Variants in DLG2 observed in about 807,000 individuals in gnomAD.
The protein encoded by DLG2 is disks large homolog 2.
In DLG2, 45 loss-of-function variants were observed where a neutral mutation model predicts 132.5. The ratio of observed to expected loss-of-function variants is 0.34; its 90% CI spans 0.27 to 0.44. The LOEUF is 0.44. Ranked by LOEUF, DLG2 falls within the 20% of genes least tolerant of loss-of-function variation. The pLI is 1.00. For missense variants in DLG2, 1,045 were observed against 1,196.9 expected (o/e 0.87, Z 1.87); for synonymous variants, 424 against 419.6 (o/e 1.01, Z -0.13).
intron 8 of DLG2, among the ~76,000 whole-genome samples, chr11:84,228,408 T>A (rs1478579830): frequency 6.6e-6 from 1 of 152,204 alleles, no homozygotes; most frequent in African/African-American, 2.4e-5. Context: ...TGTTAGTTAT[T>A]ATCTATCGGG....
At chr11:85,442,465 A>C (rs2091828993) in intron 3 of DLG2, among the ~76,000 whole-genome samples, 1 of 152,226 alleles carries the variant, frequency 6.6e-6, no homozygotes, top group Admixed American at 6.5e-5. Context: ...GTGGAATCAA[A>C]AATGACTCAT....
chr11:85,171,983 G>A (rs1383493064), intron 4 of DLG2, among the ~76,000 whole-genome samples: 1 of 152,224 alleles, frequency 6.6e-6, no homozygotes, highest in Non-Finnish European at 1.5e-5. Context: ...CCAGGGGGAA[G>A]TGGCCACTGT....
intron 3 of DLG2, among the ~76,000 whole-genome samples, chr11:85,423,423 A>G (rs1248894941): frequency 1.3e-5 from 2 of 152,136 alleles, no homozygotes; most frequent in Non-Finnish European, 2.9e-5. Context: ...CAGGAGGTTG[A>G]GCTTTCCAGA....
chr11:84,198,596 T>A (rs1418396672), intron 8 of DLG2, among the ~76,000 whole-genome samples: 1 of 152,164 alleles, frequency 6.6e-6, no homozygotes, highest in Non-Finnish European at 1.5e-5. Flanking sequence ...GTAAATTGCA[T>A]GTATTCTTAA....
intron 4 of DLG2, among the ~76,000 whole-genome samples, chr11:85,228,690 T>C (rs971066352): frequency 6.6e-6 from 1 of 151,960 alleles, no homozygotes; most frequent in African/African-American, 2.4e-5. Flanking sequence ...TCCTTTTTTA[T>C]ATTTTTATGG....
intron 6 of DLG2, among the ~76,000 whole-genome samples, chr11:85,008,105 A>G (rs1310005670): frequency 6.6e-6 from 1 of 152,194 alleles, no homozygotes; most frequent in Non-Finnish European, 1.5e-5. Context: ...TATTATATAA[A>G]TAGCATTACA....
intron 3 of DLG2, among the ~76,000 whole-genome samples, chr11:85,461,639 G>C (rs1248862987): frequency 6.6e-6 from 1 of 152,164 alleles, no homozygotes; most frequent in East Asian, 1.9e-4. Flanking sequence ...AATACTCCTT[G>C]ATCTTTATCT....
intron 6 of DLG2, among the ~76,000 whole-genome samples, chr11:84,731,029 G>A (rs944058781): frequency 1.3e-5 from 2 of 152,006 alleles, no homozygotes; most frequent in Non-Finnish European, 2.9e-5. Context: ...CTTATGTCCA[G>A]TTTGTTTAAA....
At chr11:83,776,886 T>G (rs534547505) in intron 18 of DLG2, among the ~76,000 whole-genome samples, 1 of 152,362 alleles carries the variant, frequency 6.6e-6, no homozygotes, top group South Asian at 2.1e-4. Context: ...TTGTCTTCGT[T>G]TGGTCTGGTT....
In DLG2 at chr11:85,537,073, G is replaced by A. The variant is rs150893333; in HGVS notation, c.40+61584C>T. On this transcript the variant is annotated intron_variant, in intron 3 of 27. Transcript: ENST00000376104. ...ATCAGTGCTCTGTGTCTAGCTAATT[G>A]GGTGGGGACTTGGAGAACGTTTGCG... Among the ~76,000 whole-genome samples, 46 of 152,246 alleles carry A rather than the reference G, an allele frequency of 3.0e-4. 3 individuals are homozygous for A. In the East Asian group the frequency reaches 8.9e-3, roughly 29 times the overall value.
At chr11:84,667,506 T>TG (rs1409259997) in intron 6 of DLG2, among the ~76,000 whole-genome samples, 3 of 147,760 alleles carry the variant, frequency 2.0e-5, no homozygotes, top group East Asian at 3.9e-4. Context: ...TTGTTTTTTT[T>TG]TTTTTTTTGA....
At chr11:83,789,907 G>T in intron 17 of DLG2, 1 of 829,922 alleles carries the variant, frequency 1.2e-6, no homozygotes, top group Non-Finnish European at 1.7e-6. Context: ...ATGAAAGTTT[G>T]TAAACTGTGT....
intron 2 of DLG2, among the ~76,000 whole-genome samples, chr11:85,615,141 A>G (rs906528367): frequency 6.6e-6 from 1 of 152,250 alleles, no homozygotes; most frequent in Non-Finnish European, 1.5e-5. Context: ...CAGACAAGCC[A>G]TGCTTTCAAA....
chr11:84,982,907 G>A (rs1289630011), intron 6 of DLG2, among the ~76,000 whole-genome samples: 1 of 152,116 alleles, frequency 6.6e-6, no homozygotes, highest in African/African-American at 2.4e-5. Context: ...TTCTTGAAAA[G>A]TAAGAATACA....
chr11:84,742,557 C>A (rs189713049), intron 6 of DLG2, among the ~76,000 whole-genome samples: 40 of 152,298 alleles, frequency 2.6e-4, no homozygotes, highest in Admixed American at 7.2e-4. Flanking sequence ...ATCCTACATA[C>A]CTCTGTCCCC....
chr11:85,545,853 T>A (rs1314500071), intron 3 of DLG2, among the ~76,000 whole-genome samples: 1 of 152,192 alleles, frequency 6.6e-6, no homozygotes, highest in Non-Finnish European at 1.5e-5. Context: ...TACCATTTTT[T>A]TATTGCATCT....
chr11:83,472,107 G>T (rs1010851511), intron 23 of DLG2, among the ~76,000 whole-genome samples: 1 of 152,126 alleles, frequency 6.6e-6, no homozygotes, highest in East Asian at 1.9e-4. Context: ...ACTATAAAAA[G>T]TAATTGTTAG....
At chr11:85,338,093 G>T (rs1237216943) in intron 3 of DLG2, among the ~76,000 whole-genome samples, 1 of 152,176 alleles carries the variant, frequency 6.6e-6, no homozygotes. Flanking sequence ...CTACCTAAAG[G>T]AAAGAAGAGC....
chr11:83,557,920 A>C (rs2096547337), intron 19 of DLG2, among the ~76,000 whole-genome samples: 1 of 152,172 alleles, frequency 6.6e-6, no homozygotes, highest in African/African-American at 2.4e-5. Context: ...CAATTCTGGC[A>C]GGAAGGAATA....
Sources: allele counts gnomAD v4.1 joint callset (sites outside exome capture counted in the v4.1 genomes callset), GRCh38; gene constraint gnomAD v4.1.1; transcripts MANE v1.5; gene names NCBI Gene and HGNC (gene_info 2026-07-23, HGNC 2026-07-21).